DRC11: variants seen among roughly 807,000 people sequenced by gnomAD.
The protein encoded by DRC11 is dynein regulatory complex subunit 11.
chr2:236,408,502 G>C, the DRC11 span: 1 of 735,128 alleles, frequency 1.4e-6, no homozygotes, highest in Non-Finnish European at 2.5e-6. The surrounding 1 kb of genome is among the most constrained non-coding windows in gnomAD (Gnocchi z 5.5). Flanking sequence ...CAGCTTCTTG[G>C]CCACGGTGCC....
chr2:236,334,863 C>T, the DRC11 span, among the ~76,000 whole-genome samples: 20 of 151,950 alleles, frequency 1.3e-4, no homozygotes, highest in Non-Finnish European at 2.6e-4. This position sits in a 1 kb window ranked among gnomAD's most constrained non-coding sequence, Gnocchi z 7.8. Flanking sequence ...GGGTTATTAG[C>T]GAAATGCACC....
At chr2:236,313,948 C>T in the DRC11 span, among the ~76,000 whole-genome samples, 2 of 152,132 alleles carry the variant, frequency 1.3e-5, no homozygotes, top group South Asian at 4.1e-4. This position sits in a 1 kb window ranked among gnomAD's most constrained non-coding sequence, Gnocchi z 4.5. Flanking sequence ...AACTGGGCAG[C>T]ATGAGAGATC....
the DRC11 span, among the ~76,000 whole-genome samples, chr2:236,496,654 C>G: frequency 1.1e-3 from 171 of 152,248 alleles, 1 homozygote; most frequent in African/African-American, 4.0e-3. The surrounding 1 kb of genome is among the most constrained non-coding windows in gnomAD (Gnocchi z 6.3). Context: ...GGAGAGCAAG[C>G]ACATGAGCTC....
At chr2:236,403,701 C>T in the DRC11 span, among the ~76,000 whole-genome samples, 691 of 152,094 alleles carry the variant, frequency 4.5e-3, 6 homozygotes, top group African/African-American at 0.016. Context: ...ACTTTGTGGC[C>T]TTATCTTGAT....
At chr2:236,334,831 C>G in the DRC11 span, among the ~76,000 whole-genome samples, 1 of 152,012 alleles carries the variant, frequency 6.6e-6, no homozygotes, top group Non-Finnish European at 1.5e-5. This position sits in a 1 kb window ranked among gnomAD's most constrained non-coding sequence, Gnocchi z 7.8. Flanking sequence ...GACACTGGGT[C>G]TGGGTGGGCC....
the DRC11 span, among the ~76,000 whole-genome samples, chr2:236,453,644 A>AT: frequency 3.5e-3 from 515 of 146,156 alleles, 4 homozygotes; most frequent in African/African-American, 9.1e-3. This position sits in a 1 kb window ranked among gnomAD's most constrained non-coding sequence, Gnocchi z 4.9. Flanking sequence ...ACCAATTTTA[A>AT]TTTTTTTTTT....
chr2:236,363,214 T>C, the DRC11 span, among the ~76,000 whole-genome samples: 5 of 152,234 alleles, frequency 3.3e-5, no homozygotes, highest in African/African-American at 1.2e-4. The surrounding 1 kb of genome is among the most constrained non-coding windows in gnomAD (Gnocchi z 5.6). Flanking sequence ...ATCAAAGTTC[T>C]TTCAAACGCA....
chr2:236,478,675 T>C, the DRC11 span, among the ~76,000 whole-genome samples: 1 of 152,186 alleles, frequency 6.6e-6, no homozygotes, highest in African/African-American at 2.4e-5. The surrounding 1 kb of genome is among the most constrained non-coding windows in gnomAD (Gnocchi z 5.9). Context: ...TATCTCTCCC[T>C]TTAGGTTGAT....
the DRC11 span, among the ~76,000 whole-genome samples, chr2:236,436,523 G>C: frequency 2.0e-5 from 3 of 151,906 alleles, no homozygotes; most frequent in Admixed American, 6.6e-5. Flanking sequence ...AATAAGGAAG[G>C]CTCTACTTGA....
chr2:236,339,691 C>T, the DRC11 span, among the ~76,000 whole-genome samples: 4 of 152,192 alleles, frequency 2.6e-5, no homozygotes, highest in Admixed American at 2.6e-4. Flanking sequence ...ATTGTCTTTG[C>T]ACCTTTGTCA....
At chr2:236,438,792 T>C in the DRC11 span, among the ~76,000 whole-genome samples, 14 of 152,108 alleles carry the variant, frequency 9.2e-5, no homozygotes, top group African/African-American at 3.4e-4. Flanking sequence ...ACCACACCTA[T>C]TCCAAAATTG....
chr2:236,365,025 A>T, the DRC11 span, among the ~76,000 whole-genome samples: 2 of 152,108 alleles, frequency 1.3e-5, no homozygotes, highest in African/African-American at 4.8e-5. This position sits in a 1 kb window ranked among gnomAD's most constrained non-coding sequence, Gnocchi z 7.4. Context: ...AATGGGATAA[A>T]GGAGAGACTC....
chr2:236,442,172 G>A, the DRC11 span, among the ~76,000 whole-genome samples: 1 of 152,034 alleles, frequency 6.6e-6, no homozygotes, highest in South Asian at 2.1e-4. Context: ...AATAAAGTAA[G>A]CTCATTATAT....
the DRC11 span, among the ~76,000 whole-genome samples, chr2:236,443,475 C>G: frequency 6.6e-6 from 1 of 152,202 alleles, no homozygotes; most frequent in African/African-American, 2.4e-5. The surrounding 1 kb of genome is among the most constrained non-coding windows in gnomAD (Gnocchi z 4.4). Flanking sequence ...TAAGTGAGAA[C>G]ATGCAGTGTT....
chr2:236,504,875 G>A, the DRC11 span, among the ~76,000 whole-genome samples: 1 of 152,186 alleles, frequency 6.6e-6, no homozygotes, highest in African/African-American at 2.4e-5. The surrounding 1 kb of genome is among the most constrained non-coding windows in gnomAD (Gnocchi z 5.0). Context: ...TTCACCTGCT[G>A]TCATGATTGT....
At chr2:236,503,856 C>T in the DRC11 span, among the ~76,000 whole-genome samples, 1,943 of 152,186 alleles carry the variant, frequency 0.013, 58 homozygotes, top group East Asian at 0.12. This position sits in a 1 kb window ranked among gnomAD's most constrained non-coding sequence, Gnocchi z 4.9. Flanking sequence ...CCCACCTCCT[C>T]GCCCTGCAGC....
At chr2:236,364,128 C>T in the DRC11 span, 106 of 669,578 alleles carry the variant, frequency 1.6e-4, 1 homozygote, top group South Asian at 1.5e-3. Flanking sequence ...ACCAGAGACA[C>T]GCCTCCATCC....
the DRC11 span, among the ~76,000 whole-genome samples, chr2:236,431,939 G>T: frequency 2.0e-5 from 3 of 152,140 alleles, no homozygotes; most frequent in Non-Finnish European, 2.9e-5. This position sits in a 1 kb window ranked among gnomAD's most constrained non-coding sequence, Gnocchi z 4.2. Context: ...ATTTCTGTTG[G>T]ATAGAGTCCT....
chr2:236,488,337 C>T, the DRC11 span: 3 of 514,228 alleles, frequency 5.8e-6, no homozygotes, highest in East Asian at 3.4e-5. Context: ...GAACACTGTT[C>T]ATTTTTCCAG....
Sources: allele counts gnomAD v4.1 joint callset (sites outside exome capture counted in the v4.1 genomes callset), GRCh38; gene constraint gnomAD v4.1.1; non-coding constraint Gnocchi (gnomAD v3.1); transcripts MANE v1.5; gene names NCBI Gene and HGNC (gene_info 2026-07-23, HGNC 2026-07-21).